The following SCAPER variants were observed in gnomAD, a reference collection of about 807,000 sequenced individuals.
SCAPER encodes S-phase cyclin A associated protein in the ER.
A neutral mutation model predicts 182.2 loss-of-function variants in SCAPER; 98 were observed. The ratio of observed to expected loss-of-function variants is 0.54; its 90% CI spans 0.46 to 0.64. The LOEUF is 0.64. Among genes scored for constraint, SCAPER ranks in the 30% least tolerant of loss-of-function variants. SCAPER has a pLI of 0.00. For missense variants in SCAPER, 1,432 were observed against 1,690.0 expected (o/e 0.85, Z 2.68); for synonymous variants, 605 against 564.6 (o/e 1.07, Z -1.01).
At chr15:76,858,693 G>C (rs1008166489) in intron 3 of SCAPER, among the ~76,000 whole-genome samples, 9 of 151,882 alleles carry the variant, frequency 5.9e-5, no homozygotes, top group African/African-American at 2.2e-4. Context: ...TCAATGTTTA[G>C]TTCCCACTTA....
At chr15:76,713,266 A>G (rs1158138702) in intron 17 of SCAPER, among the ~76,000 whole-genome samples, 1 of 152,024 alleles carries the variant, frequency 6.6e-6, no homozygotes, top group Non-Finnish European at 1.5e-5. Context: ...TGACCCAGCC[A>G]TCCCATTACT....
intron 26 of SCAPER, among the ~76,000 whole-genome samples, chr15:76,420,957 T>C (rs1464445695): frequency 6.6e-6 from 1 of 152,222 alleles, no homozygotes; most frequent in Non-Finnish European, 1.5e-5. Flanking sequence ...AACTCATCCT[T>C]TTTTATGGCT....
chr15:76,708,259 C>G (rs1383260024), intron 17 of SCAPER, among the ~76,000 whole-genome samples: 1 of 152,006 alleles, frequency 6.6e-6, no homozygotes, highest in Non-Finnish European at 1.5e-5. Context: ...ATTCTTATCA[C>G]TGTTTTGGGG....
chr15:76,530,899 T>C (rs1271227861), intron 23 of SCAPER, among the ~76,000 whole-genome samples: 4 of 151,658 alleles, frequency 2.6e-5, no homozygotes, highest in African/African-American at 7.3e-5. Context: ...TTTGTGTGTA[T>C]GTGTATATGT....
Position 76,383,664 on chromosome 15 carries a change from G to A in SCAPER, c.3468-2049C>T, listed in dbSNP as rs142067282. Among the ~76,000 whole-genome samples the A allele has an allele frequency of 2.9e-3, 435 of 152,306 alleles. 3 individuals carry two copies. Among genetic ancestry groups the A allele is most frequent in the South Asian group, 6.6e-3 (32 of 4,822 alleles). On this transcript the variant is annotated intron_variant, in intron 27 of 31. Transcript: ENST00000563290. Reference sequence around the variant, plus strand: ...GTGCACATGAAGCAAGTGAGACCTAGAGAAATAAGGTGAAGTGTTTTAGGT... The same window carrying A: ...GTGCACATGAAGCAAGTGAGACCTAAAGAAATAAGGTGAAGTGTTTTAGGT...
At chr15:76,660,204 A>C (rs1567727082) in intron 21 of SCAPER, among the ~76,000 whole-genome samples, 1 of 152,162 alleles carries the variant, frequency 6.6e-6, no homozygotes, top group Non-Finnish European at 1.5e-5. Context: ...CATGGATACA[A>C]AGAAGGAAAC....
At position 76,815,034 on chromosome 15, in the gene SCAPER, T is replaced by C. The variant is rs1598884798; in HGVS notation, c.394-10401A>G. Among the ~76,000 whole-genome samples the C allele has an allele frequency of 3.0e-5, 3 of 98,740 alleles. No homozygotes were observed. The South Asian group carries it at 1.4e-3, about 46-fold the overall frequency. 64.8% of individuals were successfully genotyped at this position (98,740 alleles called of 152,430 possible). On this transcript the variant is annotated intron_variant, in intron 5 of 31. Coordinates refer to ENST00000563290, the MANE Select transcript of SCAPER (RefSeq NM_020843.4). ...AAGTGCTCAACATCAGTAATCATCATGGAAATGCAAATTAAAACAAAAAAA... is the reference window on the plus strand; with the variant it reads ...AAGTGCTCAACATCAGTAATCATCACGGAAATGCAAATTAAAACAAAAAAA...
At chr15:76,526,921 G>A (rs113600238) in intron 23 of SCAPER, among the ~76,000 whole-genome samples, 2 of 151,796 alleles carry the variant, frequency 1.3e-5, no homozygotes, top group Non-Finnish European at 2.9e-5. Context: ...GCCCAGGCTG[G>A]AGTGCAGTCG....
chr15:76,349,058 G>A (rs528693573), intron 31 of SCAPER: 8 of 172,352 alleles, frequency 4.6e-5, no homozygotes, highest in South Asian at 1.7e-4. Context: ...ACAGTGGTGC[G>A]CGCCTGTAGT....
At chr15:76,612,712 T>G (rs1372081227) in intron 22 of SCAPER, among the ~76,000 whole-genome samples, 1 of 152,062 alleles carries the variant, frequency 6.6e-6, no homozygotes, top group Non-Finnish European at 1.5e-5. Flanking sequence ...TACAGCTAAT[T>G]AGAGAGGTAA....
intron 29 of SCAPER, among the ~76,000 whole-genome samples, chr15:76,364,714 G>C (rs1206049700): frequency 6.6e-6 from 1 of 152,116 alleles, no homozygotes; most frequent in Admixed American, 6.5e-5. Flanking sequence ...CAGCCCTGGG[G>C]CTTCAGTGTG....
At chr15:76,512,184 G>A (rs1227387564) in intron 23 of SCAPER, among the ~76,000 whole-genome samples, 1 of 151,800 alleles carries the variant, frequency 6.6e-6, no homozygotes, top group Non-Finnish European at 1.5e-5. Flanking sequence ...CACCATGTCC[G>A]GCCCCATTAT....
At chr15:76,465,152 T>C (rs578078325) in intron 25 of SCAPER, among the ~76,000 whole-genome samples, 1 of 152,330 alleles carries the variant, frequency 6.6e-6, no homozygotes, top group South Asian at 2.1e-4. Flanking sequence ...CCATTTGAGC[T>C]GCTATAACAA....
chr15:76,530,071 G>A (rs570973472), intron 23 of SCAPER, among the ~76,000 whole-genome samples: 1 of 152,272 alleles, frequency 6.6e-6, no homozygotes, highest in African/African-American at 2.4e-5. Context: ...AGCAGGGTCT[G>A]ACACACAGTT....
At chr15:76,682,986 A>G (rs547378357) in intron 20 of SCAPER, among the ~76,000 whole-genome samples, 306 of 152,298 alleles carry the variant, frequency 2.0e-3, no homozygotes, top group South Asian at 4.1e-3. Context: ...TGGCAACTCA[A>G]AAAGCCAGAA....
At chr15:76,729,271 CACACACACACATATATATACACAT>C (rs2151025088) in intron 16 of SCAPER, among the ~76,000 whole-genome samples, 2 of 134,398 alleles carry the variant, frequency 1.5e-5, no homozygotes, top group East Asian at 4.3e-4. Flanking sequence ...TATATATATA[CACACACACACATATATATACACAT>C]ACACACACAC....
intron 1 of SCAPER, among the ~76,000 whole-genome samples, chr15:76,900,192 C>T (rs868443562): frequency 6.6e-5 from 10 of 152,134 alleles, no homozygotes; most frequent in South Asian, 2.1e-4. Context: ...CCCAGGGACA[C>T]AAACAGGGCC....
chr15:76,381,676 T>C (rs1203984561), intron 27 of SCAPER, 61 bp from the exon 28 acceptor site: 19 of 1,310,744 alleles, frequency 1.4e-5, no homozygotes, highest in East Asian at 2.5e-5. Flanking sequence ...GCAATTTGTA[T>C]AGGTTAAATG....
intron 22 of SCAPER, 115 bp from the exon 23 acceptor site, chr15:76,574,399 C>G (rs2047670736): frequency 8.2e-7 from 1 of 1,225,914 alleles, no homozygotes; most frequent in South Asian, 1.5e-5. Flanking sequence ...AAATGCTTCA[C>G]AGAGCATCTG....
Sources: allele counts gnomAD v4.1 joint callset (sites outside exome capture counted in the v4.1 genomes callset), GRCh38; gene constraint gnomAD v4.1.1; transcripts MANE v1.5; gene names NCBI Gene and HGNC (gene_info 2026-07-23, HGNC 2026-07-21).